GNG2: variants seen among roughly 807,000 people sequenced by gnomAD.
The protein encoded by GNG2 is guanine nucleotide-binding protein G(I)/G(S)/G(O) subunit gamma-2.
Under a neutral mutation model 5.5 loss-of-function variants are expected in GNG2, and 5 were observed. That is an observed-to-expected ratio of 0.91 (90% confidence interval 0.48 to 1.92). The LOEUF is 1.92. GNG2 is among the 30% of genes most tolerant of loss of function. GNG2 has a pLI of 0.01. For synonymous variants in GNG2, 28 were observed against 32.0 expected (o/e 0.88, Z 0.42); for missense variants, 55 against 88.4 (o/e 0.62, Z 1.52).
intron 2 of GNG2, among the ~76,000 whole-genome samples, chr14:51,947,170 C>T (rs1327069787): frequency 2.0e-5 from 3 of 152,136 alleles, no homozygotes; most frequent in Admixed American, 2.0e-4. Flanking sequence ...TCCCACCTCC[C>T]TACTTCCCTT....
At chr14:51,854,835 C>A (rs1158306439) in intron 2 of GNG2, among the ~76,000 whole-genome samples, 1 of 152,134 alleles carries the variant, frequency 6.6e-6, no homozygotes, top group Non-Finnish European at 1.5e-5. Flanking sequence ...TTCTTACCTA[C>A]TTCCGGCTCT....
At chr14:51,960,791 G>T (rs190823380) in intron 3 of GNG2, among the ~76,000 whole-genome samples, 67 of 152,238 alleles carry the variant, frequency 4.4e-4, no homozygotes, top group Admixed American at 1.1e-3. Flanking sequence ...ACCTTGTTAG[G>T]ACTCTACTCA....
chr14:51,964,982 A>G (rs749266593), intron 3 of GNG2, among the ~76,000 whole-genome samples: 1 of 152,234 alleles, frequency 6.6e-6, no homozygotes, highest in Non-Finnish European at 1.5e-5. Flanking sequence ...CCATTTGTTA[A>G]AACCTCTGCA....
At chr14:51,828,088 C>T (rs935721800) in intron 2 of GNG2, among the ~76,000 whole-genome samples, 1 of 152,216 alleles carries the variant, frequency 6.6e-6, no homozygotes, top group African/African-American at 2.4e-5. Context: ...GCTTCCTCAA[C>T]ATGAGTTATT....
chr14:51,937,619 C>T (rs985832680), intron 2 of GNG2, among the ~76,000 whole-genome samples: 1 of 60,190 alleles, frequency 1.7e-5, no homozygotes, highest in African/African-American at 7.5e-5. Context: ...AAAAGAAATA[C>T]ATAATTTTTT....
intron 1 of GNG2, among the ~76,000 whole-genome samples, chr14:51,868,964 C>G (rs1056039651): frequency 1.3e-5 from 2 of 152,240 alleles, no homozygotes; most frequent in South Asian, 4.2e-4. Flanking sequence ...TTTAAAATAA[C>G]CTTAGGTACT....
In GNG2 at chr14:51,889,166, A is replaced by C. The variant is rs182792888; in HGVS notation, c.-30+11509A>C. Reference sequence around the variant, plus strand: ...CTCGCTCTGTCGCCTAGGCTGGAGTACATTGGAGCGATCTCTGCTCACTGC... The same window carrying C: ...CTCGCTCTGTCGCCTAGGCTGGAGTCCATTGGAGCGATCTCTGCTCACTGC... On this transcript the variant is annotated intron_variant, in intron 2 of 3. Coordinates refer to ENST00000556766, the MANE Select transcript of GNG2 (RefSeq NM_053064.5). Among the ~76,000 whole-genome samples the C allele has an allele frequency of 1.3e-4, 18 of 140,776 alleles. No individual in the cohort carries two copies. The East Asian group carries it at 2.7e-3, about 21-fold the overall frequency. 92.4% of individuals were successfully genotyped at this position (140,776 alleles called of 152,430 possible).
intron 2 of GNG2, among the ~76,000 whole-genome samples, chr14:51,930,539 C>A (rs1949628271): frequency 6.6e-6 from 1 of 152,228 alleles, no homozygotes; most frequent in East Asian, 1.9e-4. Flanking sequence ...ATTGTCTCTT[C>A]ATCTGCAAAA....
intron 3 of GNG2, among the ~76,000 whole-genome samples, chr14:51,955,698 A>G (rs765014511): frequency 1.4e-4 from 22 of 152,210 alleles, no homozygotes; most frequent in Non-Finnish European, 2.2e-4. Context: ...CAAATTAAAT[A>G]TTTTTTAAAA....
At chr14:51,936,450 C>T (rs780545369) in intron 2 of GNG2, among the ~76,000 whole-genome samples, 1 of 151,304 alleles carries the variant, frequency 6.6e-6, no homozygotes, top group Non-Finnish European at 1.5e-5. Context: ...AAAATAGCTT[C>T]TGCAATCATG....
chr14:51,960,124 ATG>A (rs1566716195), intron 3 of GNG2, among the ~76,000 whole-genome samples: 1 of 151,190 alleles, frequency 6.6e-6, no homozygotes, highest in Non-Finnish European at 1.5e-5. Context: ...CTCCAATTAT[ATG>A]TGTATTAAGT....
At chr14:51,854,106 T>C in intron 2 of GNG2, among the ~76,000 whole-genome samples, 1 of 152,124 alleles carries the variant, frequency 6.6e-6, no homozygotes, top group East Asian at 1.9e-4. Context: ...ACTCCTGACC[T>C]CAGGTGATCT....
In GNG2 at chr14:51,969,301, T is replaced by C. The variant is rs1324595948; in HGVS notation, c.*2614T>C. Reference sequence around the variant, plus strand: ...AAAGTCTATAAAGAATAATTTTACATGATCCTCAATATCAACTCCAGTTTA... The same window carrying C: ...AAAGTCTATAAAGAATAATTTTACACGATCCTCAATATCAACTCCAGTTTA... On this transcript the variant is annotated 3_prime_UTR_variant, in exon 4 of 4. Coordinates refer to ENST00000556766, the MANE Select transcript of GNG2 (RefSeq NM_053064.5). 6.6e-6 allele frequency: 1 copy of C among 152,216 alleles called. No homozygotes were observed. The highest frequency in any genetic ancestry group is 1.5e-5 in the Non-Finnish European group (1 of 68,036). 9.4% of individuals were successfully genotyped at this position (152,216 alleles called of 1,614,324 possible).
intron 2 of GNG2, among the ~76,000 whole-genome samples, chr14:51,924,490 A>G (rs1244533174): frequency 2.0e-5 from 3 of 152,174 alleles, no homozygotes; most frequent in Admixed American, 1.3e-4. Flanking sequence ...CCTCAGTGAG[A>G]GTCTTTGCTA....
chr14:51,833,448 G>A (rs1250693333), intron 2 of GNG2, among the ~76,000 whole-genome samples: 2 of 152,084 alleles, frequency 1.3e-5, no homozygotes, highest in Non-Finnish European at 2.9e-5. Flanking sequence ...ATCTTTTCAG[G>A]AGAAGGCAAA....
At chr14:51,844,120 T>A (rs187044589) in intron 2 of GNG2, among the ~76,000 whole-genome samples, 1 of 152,250 alleles carries the variant, frequency 6.6e-6, no homozygotes, top group Non-Finnish European at 1.5e-5. Flanking sequence ...ACCAGTTTGA[T>A]TGAAGACATT....
Position 51,967,034 on chromosome 14 carries a change from G to A in GNG2, c.*347G>A, listed in dbSNP as rs1401223513. On this transcript the variant is annotated 3_prime_UTR_variant, in exon 4 of 4. Coordinates refer to ENST00000556766, the MANE Select transcript of GNG2 (RefSeq NM_053064.5). ...AACAATTAAAACAGACAGCTGTACT[G>A]AGGTAAGATATGTGTGACCTTCTTG... 1 of 149,516 alleles carries A rather than the reference G, an allele frequency of 6.7e-6. No individual in the cohort carries two copies. Among genetic ancestry groups the A allele is most frequent in the Non-Finnish European group, 1.3e-5 (1 of 74,482 alleles). 9.3% of individuals were successfully genotyped at this position (149,516 alleles called of 1,614,324 possible).
At chr14:51,931,899 T>G (rs1384097773) in intron 2 of GNG2, among the ~76,000 whole-genome samples, 1 of 152,148 alleles carries the variant, frequency 6.6e-6, no homozygotes, top group Non-Finnish European at 1.5e-5. Context: ...ACGGCACCAC[T>G]GTTCACTATA....
At chr14:51,841,877 C>A (rs565327286) in intron 2 of GNG2, among the ~76,000 whole-genome samples, 1 of 152,182 alleles carries the variant, frequency 6.6e-6, no homozygotes, top group East Asian at 1.9e-4. Context: ...CAATAGACTG[C>A]ATGAAAATTA....
Sources: gnomAD v4.1 joint callset for allele counts (sites outside exome capture counted in the v4.1 genomes callset) on GRCh38, gnomAD v4.1.1 for gene constraint, MANE v1.5 for transcripts, NCBI Gene and HGNC (gene_info 2026-07-23, HGNC 2026-07-21) for gene names.